Variants in MPPE1 observed in about 807,000 individuals in gnomAD.
The protein encoded by MPPE1 is metallo phosphoesterase.
MPPE1 carries 28 observed loss-of-function variants against 43.8 expected under a neutral mutation model. The observed-to-expected ratio is 0.64, with a 90% CI of 0.47 to 0.88. MPPE1 has a LOEUF of 0.88. Ranked by LOEUF, MPPE1 falls within the 40% of genes least tolerant of loss-of-function variation. The pLI is 0.00. For synonymous variants in MPPE1, 159 were observed against 188.5 expected (o/e 0.84, Z 1.28); for missense variants, 428 against 492.2 (o/e 0.87, Z 1.23).
chr18:11,885,854 G>A (rs754823785), intron 9 of MPPE1, 38 bp from the exon 10 acceptor site: 6 of 1,569,722 alleles, frequency 3.8e-6, no homozygotes, highest in Middle Eastern at 1.7e-4. Context: ...CAGGCTGTTA[G>A]CTCATCCTCA....
intron 4 of MPPE1, among the ~76,000 whole-genome samples, chr18:11,892,365 A>G (rs952078111): frequency 7.9e-6 from 1 of 127,192 alleles, no homozygotes; most frequent in East Asian, 2.0e-4. Flanking sequence ...GAAAAAAAAA[A>G]AAAAAAGAAA....
At chr18:11,907,655 C>CT (rs3048186) in intron 1 of MPPE1, among the ~76,000 whole-genome samples, 13,063 of 112,628 alleles carry the variant, frequency 0.12, 1,015 homozygotes, top group Admixed American at 0.21. Context: ...CTACACCTGG[C>CT]TTTTTTTTTT....
intron 10 of MPPE1, 41 bp from the exon 11 acceptor site, chr18:11,884,668 A>T: frequency 6.3e-7 from 1 of 1,582,338 alleles, no homozygotes; most frequent in Non-Finnish European, 8.7e-7. Context: ...AGCACCAGGC[A>T]CACGTTGAAC....
In MPPE1 at chr18:11,885,738, C is replaced by T. The variant is rs749188944; in HGVS notation, c.946G>A (p.Val316Ile). The T allele has an allele frequency of 6.2e-7, 1 of 1,614,064 alleles. No homozygotes were observed. The highest frequency in any genetic ancestry group is 8.5e-7 in the Non-Finnish European group (1 of 1,179,930). ...SACEVHHGGR[V>I]PELSVPSFSW... is the part of the protein sequence containing the mutation. ...AAAGATGGGACGCTGAGCTCGGGGA[C>T]TCGGCCCCCGTGGTGCACCTCGCAG... Residue 316 changes from valine to isoleucine, a missense_variant, in exon 10 of 11, where the codon GTC becomes ATC. By Grantham distance (29) the Val-to-Ile change is conservative. Transcript: ENST00000588072.
chr18:11,888,329 A>G (rs1009602808), intron 6 of MPPE1, among the ~76,000 whole-genome samples: 1 of 152,206 alleles, frequency 6.6e-6, no homozygotes, highest in African/African-American at 2.4e-5. Context: ...GTATATTTTG[A>G]TCAAATAAAG....
intron 2 of MPPE1, chr18:11,905,036 T>C (rs763483384): frequency 6.6e-6 from 1 of 150,896 alleles, no homozygotes; most frequent in African/African-American, 2.4e-5. Flanking sequence ...TCTGGGCAGG[T>C]GGCTCACACC....
chr18:11,900,437 T>C (rs2039024739), intron 2 of MPPE1, among the ~76,000 whole-genome samples: 1 of 151,772 alleles, frequency 6.6e-6, no homozygotes, highest in Non-Finnish European at 1.5e-5. Flanking sequence ...ACCCAGGACC[T>C]GGAGGTTGCA....
intron 3 of MPPE1, among the ~76,000 whole-genome samples, chr18:11,895,718 A>G (rs1377214483): frequency 6.6e-6 from 1 of 151,714 alleles, no homozygotes; most frequent in Non-Finnish European, 1.5e-5. Context: ...AAAATTAGCT[A>G]TTTTTGGTTT....
chr18:11,907,470 C>T (rs2143548229), intron 1 of MPPE1, among the ~76,000 whole-genome samples: 1 of 152,260 alleles, frequency 6.6e-6, no homozygotes, highest in South Asian at 2.1e-4. Context: ...GGCTGTGTCA[C>T]CAGCCATGGT....
Position 11,883,359 on chromosome 18 carries a change from T to TA in MPPE1, c.*1085dup, listed in dbSNP as rs1567912482. ...CTGCACCCCCAGCAAGAAAGGGAAG[T>TA]ATGCTGTTGTATGCATCATTACTCA... On this transcript the variant is annotated 3_prime_UTR_variant, in exon 11 of 11. Coordinates refer to ENST00000588072, the MANE Select transcript of MPPE1 (RefSeq NM_023075.6). 1 of 153,198 alleles carries TA rather than the reference T, an allele frequency of 6.5e-6. No individual in the cohort carries two copies. Among genetic ancestry groups the TA allele is most frequent in the African/African-American group, 2.4e-5 (1 of 41,446 alleles). 9.5% of individuals were successfully genotyped at this position (153,198 alleles called of 1,614,324 possible).
chr18:11,895,360 C>T (rs979507614), intron 3 of MPPE1: 6 of 152,120 alleles, frequency 3.9e-5, no homozygotes, highest in Non-Finnish European at 8.8e-5. Flanking sequence ...GAGCTATGAT[C>T]CTACTACTGC....
At chr18:11,902,264 C>G (rs1292935597) in intron 2 of MPPE1, 3 of 152,030 alleles carry the variant, frequency 2.0e-5, no homozygotes, top group Non-Finnish European at 4.4e-5. Context: ...TGCAGTCACC[C>G]ACCTCATCTG....
At chr18:11,894,298 T>A (rs1400742634) in intron 3 of MPPE1, among the ~76,000 whole-genome samples, 2 of 151,954 alleles carry the variant, frequency 1.3e-5, no homozygotes, top group African/African-American at 2.4e-5. Flanking sequence ...CATGGTGGCA[T>A]GCGCCTGTGG....
intron 2 of MPPE1, among the ~76,000 whole-genome samples, chr18:11,901,221 T>G (rs958387747): frequency 3.3e-5 from 5 of 152,018 alleles, no homozygotes; most frequent in East Asian, 3.9e-4. Flanking sequence ...ACTCTTGATT[T>G]ATTTATTTAT....
At chr18:11,899,469 A>G (rs970017164) in intron 2 of MPPE1, among the ~76,000 whole-genome samples, 4 of 152,240 alleles carry the variant, frequency 2.6e-5, no homozygotes, top group Non-Finnish European at 5.9e-5. Context: ...CAAAATTTTT[A>G]TGGATTCATC....
At chr18:11,887,471 G>C (rs1030996817) in intron 6 of MPPE1, among the ~76,000 whole-genome samples, 2 of 152,184 alleles carry the variant, frequency 1.3e-5, no homozygotes, top group African/African-American at 4.8e-5. Flanking sequence ...GTCAGATATT[G>C]TGACTAACAG....
intron 2 of MPPE1, among the ~76,000 whole-genome samples, chr18:11,904,069 CT>C (rs2039457815): frequency 6.6e-6 from 1 of 152,166 alleles, no homozygotes; most frequent in African/African-American, 2.4e-5. Context: ...CCTTCTACCC[CT>C]AACATTCTTT....
intron 4 of MPPE1, among the ~76,000 whole-genome samples, chr18:11,892,025 C>A (rs2038048653): frequency 6.6e-6 from 1 of 152,084 alleles, no homozygotes; most frequent in Non-Finnish European, 1.5e-5. Flanking sequence ...GTTTTGAATT[C>A]CTGGGCTCAA....
intron 4 of MPPE1, among the ~76,000 whole-genome samples, chr18:11,889,973 C>T (rs201090387): frequency 1.3e-4 from 19 of 149,662 alleles, no homozygotes; most frequent in Non-Finnish European, 2.1e-4. Flanking sequence ...GATGGAGTCT[C>T]GCTCTGTTGC....
Sources: gnomAD v4.1 joint callset for allele counts (sites outside exome capture counted in the v4.1 genomes callset) on GRCh38, gnomAD v4.1.1 for gene constraint, MANE v1.5 for transcripts, NCBI Gene and HGNC (gene_info 2026-07-23, HGNC 2026-07-21) for gene names.